Variants in MACF1 observed in about 807,000 individuals in gnomAD.
MACF1 encodes microtubule actin crosslinking factor 1.
In MACF1, 193 loss-of-function variants were observed where a neutral mutation model predicts 854.8. The ratio of observed to expected loss-of-function variants is 0.23; its 90% CI spans 0.20 to 0.25. The LOEUF (loss-of-function observed/expected upper bound fraction) is 0.25, where lower values mean the gene tolerates loss of function less well. Among genes scored for constraint, MACF1 ranks in the 10% least tolerant of loss-of-function variants. The pLI, the probability that MACF1 is intolerant of heterozygous loss-of-function variation, is 1.00. For synonymous variants in MACF1, 3,185 were observed against 3,226.7 expected, an observed-to-expected ratio of 0.99 and a Z score of 0.44; for missense variants, 7,722 against 8,929.1, an observed-to-expected ratio of 0.86 and a Z score of 5.45.
In MACF1 at chr1:39,442,750, G is replaced by A. The variant is rs774532025; in HGVS notation, c.19141G>A (p.Val6381Met). The change falls in exon 78 of 101, where the codon GTG becomes ATG. Residue 6381 changes from valine to methionine, a missense_variant. Val to Met is a conservative substitution (Grantham distance 21). Coordinates refer to ENST00000564288, the MANE Select transcript of MACF1 (RefSeq NM_001394062.1). The stretch of plus-strand genomic sequence containing the variant: ...TGATGTTTTGGCTCATCAAGCCACA[G>A]TGGAAACAGTCAACAAAGCTGGCAA... ...KNDVLAHQAT[V>M]ETVNKAGNEL... 2 of 1,614,072 alleles carry A rather than the reference G, an allele frequency of 1.2e-6. No homozygotes were observed. Among genetic ancestry groups the A allele is most frequent in the Admixed American group, 1.7e-5 (1 of 60,030 alleles).
At chr1:39,431,333 A>G (rs1643873032) in intron 66 of MACF1, among the ~76,000 whole-genome samples, 1 of 152,194 alleles carries the variant, frequency 6.6e-6, no homozygotes, top group African/African-American at 2.4e-5. Context: ...AGCTATCTAA[A>G]ATAGAACCTT....
intron 2 of MACF1, among the ~76,000 whole-genome samples, chr1:39,182,528 A>T (rs1280793925): frequency 6.6e-6 from 1 of 151,960 alleles, no homozygotes; most frequent in African/African-American, 2.4e-5. Context: ...AAAACCCAAT[A>T]AAAAAATGGG....
intron 58 of MACF1, among the ~76,000 whole-genome samples, chr1:39,393,930 G>A (rs745598967): frequency 2.0e-5 from 3 of 151,886 alleles, no homozygotes; most frequent in Admixed American, 2.0e-4. Context: ...AAGAAAGAAC[G>A]AACGAACGAA....
At position 39,385,827 on chromosome 1, in the gene MACF1, G is replaced by A. The variant is rs148218837; in HGVS notation, c.14242G>A (p.Asp4748Asn). 6.2e-6 allele frequency: 10 copies of A among 1,614,062 alleles called. No homozygotes were observed. Among genetic ancestry groups the A allele is most frequent in the African/African-American group, 4.0e-5 (3 of 74,914 alleles). ...GGTTAAGGAGGCTCAGACACTGTGC[G>A]ATGAACTCTCAGTGCTCATTGGTGA... ...HEVKEAQTLC[D>N]ELSVLIGEQY... The change falls in exon 57 of 101, where the codon GAT becomes AAT. Residue 4748 changes from aspartate to asparagine, a missense_variant. By Grantham distance (23) the Asp-to-Asn change is conservative. Around this residue, in one of 15 missense-constraint regions of MACF1, gnomAD observed 2,807 missense variants for 3,235.8 expected, o/e 0.87. Coordinates refer to ENST00000564288, the MANE Select transcript of MACF1 (RefSeq NM_001394062.1).
chr1:39,465,517 C>A (rs1174940767), intron 95 of MACF1, among the ~76,000 whole-genome samples: 1 of 152,118 alleles, frequency 6.6e-6, no homozygotes, highest in East Asian at 1.9e-4. Flanking sequence ...ATTTAAATAT[C>A]TTTTTAATAT....
intron 15 of MACF1, among the ~76,000 whole-genome samples, chr1:39,291,615 C>A (rs965295215): frequency 2.0e-4 from 30 of 152,286 alleles, no homozygotes; most frequent in African/African-American, 7.2e-4. Context: ...TAAAGTTAAG[C>A]ATTTTAAGCC....
chr1:39,304,575 T>G (rs1251888125), intron 23 of MACF1: 4 of 847,816 alleles, frequency 4.7e-6, no homozygotes, highest in African/African-American at 1.7e-5. Flanking sequence ...CTTTTTTTTT[T>G]TTTCTTGAGA....
intron 58 of MACF1, chr1:39,412,610 ATAC>A: frequency 6.2e-7 from 1 of 1,614,056 alleles, no homozygotes; most frequent in Non-Finnish European, 8.5e-7. Context: ...ACTGTGAATG[ATAC>A]AAAGCCTGAG....
chr1:39,140,009 A>G (rs1643303512), intron 2 of MACF1, among the ~76,000 whole-genome samples: 1 of 151,448 alleles, frequency 6.6e-6, no homozygotes, highest in Admixed American at 6.6e-5. Context: ...GCTGCAGTGC[A>G]GTGGTGTAAA....
chr1:39,388,274 C>T lies in MACF1; in HGVS notation c.15432C>T (p.Gly5144=). 6.2e-7 allele frequency: 1 copy of T among 1,614,196 alleles called. No individual in the cohort carries two copies. Among genetic ancestry groups the T allele is most frequent in the East Asian group, 2.2e-5 (1 of 44,884 alleles). The change falls in exon 58 of 101, where the codon GGC becomes GGT. Residue 5144 remains glycine, a synonymous_variant. Transcript: ENST00000564288. ...CAGACCTGGATGATGAGCTAGATGGCATGGGTGCTATTGGCAGAGACACTG... is the reference window on the plus strand; with the variant it reads ...CAGACCTGGATGATGAGCTAGATGGTATGGGTGCTATTGGCAGAGACACTG... ...QLADLDDELD[G]MGAIGRDTDS...
Position 39,423,693 on chromosome 1 carries a change from G to A in MACF1, c.16150-335G>A, listed in dbSNP as rs111418782. 4.3e-4 allele frequency among the ~76,000 whole-genome samples: 65 copies of A among 151,162 alleles called. No individual in the cohort carries two copies. The South Asian group carries it at 8.4e-3, about 19-fold the overall frequency. ...ATGTGATGGTTTGATATACATATAC[G>A]TTGTGAAATGTTTACCGTAGTCAAG... On this transcript the variant is annotated intron_variant, in intron 60 of 100. Transcript: ENST00000564288.
Position 39,458,456 on chromosome 1 carries a change from C to G in MACF1, c.21162C>G (p.His7054Gln). The G allele has an allele frequency of 6.2e-7, 1 of 1,614,002 alleles. No homozygotes were observed. ...AAAGGAAAAACATAGAGCCTACTCA[C>G]GCGCCTTTCATAGAGAAATCCCGCA... ...TYKRKNIEPT[H>Q]APFIEKSRSG... Residue 7054 changes from histidine to glutamine, a missense_variant, in exon 90 of 101, where the codon CAC becomes CAG. By Grantham distance (24) the His-to-Gln change is conservative. Coordinates refer to ENST00000564288, the MANE Select transcript of MACF1 (RefSeq NM_001394062.1).
chr1:39,152,233 A>G (rs910329096), intron 2 of MACF1, among the ~76,000 whole-genome samples: 4 of 152,152 alleles, frequency 2.6e-5, no homozygotes, highest in African/African-American at 7.2e-5. Context: ...TTGGCCTCCC[A>G]AAGTGCTGGG....
intron 70 of MACF1, chr1:39,436,360 C>G (rs1019737619): frequency 4.1e-6 from 4 of 986,638 alleles, no homozygotes; most frequent in South Asian, 2.7e-5. Context: ...TTTCTCCCCC[C>G]ACCTTCCGTC....
chr1:39,096,030 G>A (rs926539807), intron 2 of MACF1, among the ~76,000 whole-genome samples: 1 of 151,800 alleles, frequency 6.6e-6, no homozygotes, highest in Non-Finnish European at 1.5e-5. Flanking sequence ...TAATCCAGGC[G>A]TAGTGGCACA....
At chr1:39,208,770 G>A (rs113623989) in intron 1 of MACF1, among the ~76,000 whole-genome samples, 4,674 of 152,046 alleles carry the variant, frequency 0.031, 114 homozygotes, top group Middle Eastern at 0.082. Flanking sequence ...GATTACAGGC[G>A]CACGCCACCA....
In MACF1 at chr1:39,125,822, A is replaced by G. The variant is rs1374313748; in HGVS notation, c.220+41384A>G. ...GCCTGGCCAACATTAGTGAAACCCC[A>G]TCTCTACTAAAAATACAAAAATTAG... is the stretch of plus-strand genomic sequence containing the variant. On this transcript the variant is annotated intron_variant, in intron 2 of 93. Transcript: ENST00000361689. 2.0e-5 allele frequency among the ~76,000 whole-genome samples: 3 copies of G among 152,130 alleles called. No homozygotes were observed. In the East Asian group the frequency reaches 5.8e-4, roughly 29 times the overall value.
intron 36 of MACF1, chr1:39,328,673 C>T (rs1646662139): frequency 6.6e-6 from 1 of 152,210 alleles, no homozygotes; most frequent in African/African-American, 2.4e-5. Flanking sequence ...AAGGCTCTAT[C>T]TTTTATCTGC....
At chr1:39,152,215 C>T (rs1242895492) in intron 2 of MACF1, among the ~76,000 whole-genome samples, 3 of 152,160 alleles carry the variant, frequency 2.0e-5, no homozygotes, top group Non-Finnish European at 4.4e-5. Flanking sequence ...CTTTGTGATC[C>T]GCCCACCTTG....
Sources: allele counts gnomAD v4.1 joint callset (sites outside exome capture counted in the v4.1 genomes callset), GRCh38; gene constraint gnomAD v4.1.1; regional missense constraint gnomAD v4.1.1; transcripts MANE v1.5; gene names NCBI Gene and HGNC (gene_info 2026-07-23, HGNC 2026-07-21).